ARID4A: variants seen among roughly 807,000 people sequenced by gnomAD.
ARID4A encodes the protein AT-rich interactive domain-containing protein 4A.
In ARID4A, 39 loss-of-function variants were observed where a neutral mutation model predicts 148.6. The ratio of observed to expected loss-of-function variants is 0.26; its 90% CI spans 0.20 to 0.34. The LOEUF (loss-of-function observed/expected upper bound fraction) is 0.34. ARID4A is among the 10% of genes least tolerant of loss of function. The pLI, the probability that ARID4A is intolerant of heterozygous loss-of-function variation, is 1.00. For synonymous variants in ARID4A, 475 were observed against 481.2 expected (o/e 0.99, Z 0.17); for missense variants, 1,265 against 1,449.1 (o/e 0.87, Z 2.06).
In ARID4A at chr14:58,367,018, A is replaced by C. The variant is rs1262553557; in HGVS notation, c.3659A>C (p.Lys1220Thr). 17 of 1,491,588 alleles carry C rather than the reference A, an allele frequency of 1.1e-5. No individual in the cohort carries two copies. Among genetic ancestry groups the C allele is most frequent in the Non-Finnish European group, 1.2e-5 (14 of 1,127,294 alleles). 92.4% of individuals were successfully genotyped at this position (1,491,588 alleles called of 1,614,324 possible). A position where few individuals can be genotyped will look rare whatever the true frequency, so the allele number is the denominator to read the frequency against. ...AGGAGGAGAAAAAGATTAAAAAAGA[A>C]AGACAGGGAAGGTAATTTTATTATG... ...IDRRRKRLKKKDREVSHAGAS... is the reference protein window; with the variant it reads ...IDRRRKRLKKTDREVSHAGAS... The change falls in exon 23 of 24, where the codon AAA becomes ACA. Residue 1220 changes from lysine (K) to threonine (T), a missense_variant. Physicochemically the swap from Lys to Thr is moderately conservative, Grantham distance 78. Around this residue, in one of 9 missense-constraint regions of ARID4A, gnomAD observed 666 missense variants for 730.9 expected, o/e 0.91. Coordinates refer to ENST00000355431, the MANE Select transcript of ARID4A (RefSeq NM_002892.4).
intron 8 of ARID4A, among the ~76,000 whole-genome samples, chr14:58,325,391 T>C (rs2033153603): frequency 6.6e-6 from 1 of 152,054 alleles, no homozygotes; most frequent in Non-Finnish European, 1.5e-5. Flanking sequence ...TAGGTGATCC[T>C]CCCACCTCAG....
In ARID4A at chr14:58,359,738, A is replaced by G. The variant is rs370876368; in HGVS notation, c.1938+522A>G. On this transcript the variant is annotated intron_variant, in intron 18 of 23. Coordinates refer to ENST00000355431, the MANE Select transcript of ARID4A (RefSeq NM_002892.4). ...GCTTCTTTTGCTTAGTAATATGCATATACGATATTGTGTTTGTTTAATAAA... is the reference window on the plus strand; with the variant it reads ...GCTTCTTTTGCTTAGTAATATGCATGTACGATATTGTGTTTGTTTAATAAA... Among the ~76,000 whole-genome samples, 5 of 152,238 alleles carry G rather than the reference A, an allele frequency of 3.3e-5. No homozygotes were observed. In the East Asian group the frequency reaches 5.8e-4, roughly 18 times the overall value.
Position 58,328,307 on chromosome 14 carries a change from A to T in ARID4A, c.653A>T (p.Asp218Val). ...KDQCLVRSFI[D>V]SKFYSIARKD... ...CAGTGTTTAGTTCGATCATTTATTG[A>T]TTCTAAATTGTGAGTAATGAATCCT... Residue 218 changes from aspartate (D) to valine (V), a missense_variant, in exon 9 of 24, where the codon GAT becomes GTT. Coordinates refer to ENST00000355431, the MANE Select transcript of ARID4A (RefSeq NM_002892.4). 1 of 1,594,054 alleles carries T rather than the reference A, an allele frequency of 6.3e-7. No individual in the cohort carries two copies. Among genetic ancestry groups the T allele is most frequent in the Non-Finnish European group, 8.6e-7 (1 of 1,162,546 alleles).
At position 58,299,848 on chromosome 14, in the gene ARID4A, A is replaced by G. The variant is rs374818325; in HGVS notation, c.-7A>G. The G allele has an allele frequency of 9.2e-5, 148 of 1,614,044 alleles. No homozygotes were observed. The highest frequency in any genetic ancestry group is 1.2e-4 in the Non-Finnish European group (145 of 1,180,030). ...CTGAGCTGGAACCCCACAGATCACC[A>G]ACAAAAATGAAGGTAAGTGGAGTCA... On this transcript the variant is annotated 5_prime_UTR_variant, in exon 2 of 24. Coordinates refer to ENST00000355431, the MANE Select transcript of ARID4A (RefSeq NM_002892.4).
rs199522638 is a variant in ARID4A at position 58,347,876 on chromosome 14, A to C, written c.1402A>C (p.Arg468=). ...AGAAGAGATAGAATTAAAATCTCCG[A>C]GGGTGAGTTCTTAATACTAGTTTTA... The part of the protein sequence containing the change: ...EREEIELKSP[R]GRRRIARDVN... Residue 468 remains arginine (R), a splice_region_variant and synonymous_variant, in exon 15 of 24, where the codon AGG becomes CGG. Coordinates refer to ENST00000355431, the MANE Select transcript of ARID4A (RefSeq NM_002892.4). 3.7e-5 allele frequency: 59 copies of C among 1,603,818 alleles called. No individual in the cohort carries two copies. Among genetic ancestry groups the C allele is most frequent in the Non-Finnish European group, 4.6e-5 (54 of 1,173,632 alleles).
chr14:58,320,140 G>T (rs1180752825), intron 7 of ARID4A, among the ~76,000 whole-genome samples: 2 of 151,366 alleles, frequency 1.3e-5, no homozygotes, highest in Admixed American at 6.6e-5. Flanking sequence ...TAGAGACAGG[G>T]TTTCACCATG....
chr14:58,364,188 G>C lies in ARID4A; in HGVS notation c.2099G>C (p.Ser700Thr), dbSNP rs770221345. 2.1e-6 allele frequency: 3 copies of C among 1,420,896 alleles called. No homozygotes were observed. Among genetic ancestry groups the C allele is most frequent in the Non-Finnish European group, 2.8e-6 (3 of 1,072,264 alleles). 88.0% of individuals were successfully genotyped at this position (1,420,896 alleles called of 1,614,324 possible). Reference protein sequence around the residue: ...EGKSDSCSSDSETEDALEKNL... With the variant: ...EGKSDSCSSDTETEDALEKNL... ...CTTACAGACTCTTGTTCATCTGATA[G>C]TGAAACAGAAGATGCTTTAGAAAAG... is the stretch of plus-strand genomic sequence containing the variant. Residue 700 changes from serine (S) to threonine (T), a missense_variant, in exon 20 of 24, where the codon AGT becomes ACT. Transcript: ENST00000355431.
Position 58,323,590 on chromosome 14 carries a change from G to T in ARID4A, c.555G>T (p.Thr185=). 1 of 1,614,076 alleles carries T rather than the reference G, an allele frequency of 6.2e-7. No homozygotes were observed. Among genetic ancestry groups the T allele is most frequent in the South Asian group, 1.1e-5 (1 of 91,082 alleles). ...LGKVVSVVSA[T]ERTEWYPALV... The stretch of plus-strand genomic sequence containing the variant: ...AAGTTGTAAGTGTGGTGTCTGCAAC[G>T]GAGAGGACTGAATGGTATCCTGCTT... The change falls in exon 8 of 24, where the codon ACG becomes ACT. Residue 185 remains threonine (T), a synonymous_variant. Transcript: ENST00000355431.
chr14:58,345,367 T>C (rs1356107856), intron 12 of ARID4A, among the ~76,000 whole-genome samples: 2 of 152,358 alleles, frequency 1.3e-5, no homozygotes, highest in African/African-American at 2.4e-5. Context: ...TGACCAGTTA[T>C]GTTAATCTGC....
chr14:58,320,789 A>G (rs1474361278), intron 7 of ARID4A, among the ~76,000 whole-genome samples: 1 of 151,816 alleles, frequency 6.6e-6, no homozygotes, highest in East Asian at 1.9e-4. Flanking sequence ...TTGTATTTTT[A>G]GTAGAGACGG....
chr14:58,316,822 C>T (rs188892564), intron 5 of ARID4A, among the ~76,000 whole-genome samples: 9 of 152,054 alleles, frequency 5.9e-5, no homozygotes, highest in South Asian at 2.1e-4. Flanking sequence ...TCAGGTGGTC[C>T]GCCCGCCTCG....
chr14:58,306,851 C>G (rs2031645343), intron 5 of ARID4A, among the ~76,000 whole-genome samples: 1 of 152,200 alleles, frequency 6.6e-6, no homozygotes, highest in Non-Finnish European at 1.5e-5. Flanking sequence ...TGCACTCCAG[C>G]CTGGGCGACA....
chr14:58,345,603 C>G (rs889273844), intron 12 of ARID4A, among the ~76,000 whole-genome samples: 2 of 152,014 alleles, frequency 1.3e-5, no homozygotes, highest in Non-Finnish European at 2.9e-5. Context: ...TTCTGTGTGG[C>G]CTTCAGAAAT....
chr14:58,347,483 T>G (rs941643387), intron 14 of ARID4A, among the ~76,000 whole-genome samples, 164 bp from the exon 15 acceptor site: 34 of 152,214 alleles, frequency 2.2e-4, no homozygotes, highest in Admixed American at 4.6e-4. Flanking sequence ...AGTTTTTCTG[T>G]TTATGATTCT....
chr14:58,364,607 T>C lies in ARID4A; in HGVS notation c.2518T>C (p.Ser840Pro), dbSNP rs747017926. The change falls in exon 20 of 24, where the codon TCT becomes CCT. Residue 840 changes from serine to proline, a missense_variant. Ser to Pro is a moderately conservative substitution (Grantham distance 74). Transcript: ENST00000355431. Reference protein sequence around the residue: ...LSSLDNKNFSSATEDEIDQCV... With the variant: ...LSSLDNKNFSPATEDEIDQCV... ...TTCATTAGACAATAAAAACTTTTCTTCTGCTACAGAAGATGAAATTGACCA... is the reference window on the plus strand; with the variant it reads ...TTCATTAGACAATAAAAACTTTTCTCCTGCTACAGAAGATGAAATTGACCA... 2 of 1,613,332 alleles carry C rather than the reference T, an allele frequency of 1.2e-6. No individual in the cohort carries two copies. Among genetic ancestry groups the C allele is most frequent in the East Asian group, 4.5e-5 (2 of 44,852 alleles).
intron 11 of ARID4A, among the ~76,000 whole-genome samples, chr14:58,343,831 A>C (rs1358890645): frequency 5.6e-5 from 8 of 141,696 alleles, no homozygotes; most frequent in Non-Finnish European, 1.5e-5. Context: ...ACTCCATCTC[A>C]AAAAAAAAAA....
At chr14:58,300,209 C>G (rs1382116561) in intron 2 of ARID4A, among the ~76,000 whole-genome samples, 3 of 152,106 alleles carry the variant, frequency 2.0e-5, no homozygotes, top group Non-Finnish European at 4.4e-5. Flanking sequence ...TTTTTTCTTC[C>G]CGTGTGCCAA....
chr14:58,328,850 G>A (rs181624285), intron 9 of ARID4A, among the ~76,000 whole-genome samples: 10 of 151,858 alleles, frequency 6.6e-5, no homozygotes, highest in African/African-American at 2.2e-4. Context: ...AAAATTAGCC[G>A]GGTGTGGTGG....
Position 58,308,566 on chromosome 14 carries a change from A to G in ARID4A, c.274+2454A>G, listed in dbSNP as rs149406340. Among the ~76,000 whole-genome samples the G allele has an allele frequency of 4.5e-4, 68 of 152,378 alleles. 1 individual carries two copies. The highest frequency in any genetic ancestry group is 1.5e-3 in the African/African-American group (63 of 41,594). On this transcript the variant is annotated intron_variant, in intron 5 of 23. Coordinates refer to ENST00000355431, the MANE Select transcript of ARID4A (RefSeq NM_002892.4). ...AGAAAACTCAAGATAGCACTGCTCT[A>G]AAGAACGTTTAGATATTGAAGGAAG...
Sources: allele counts gnomAD v4.1 joint callset (sites outside exome capture counted in the v4.1 genomes callset), GRCh38; gene constraint gnomAD v4.1.1; regional missense constraint gnomAD v4.1.1; transcripts MANE v1.5; gene names NCBI Gene and HGNC (gene_info 2026-07-23, HGNC 2026-07-21).